The following BCAS3 variants were observed in gnomAD, a reference collection of about 807,000 sequenced individuals.
BCAS3 encodes the protein BCAS4/BCAS3 fusion.
Under a neutral mutation model 116.1 loss-of-function variants are expected in BCAS3, and 53 were observed. The ratio of observed to expected loss-of-function variants is 0.46; its 90% CI spans 0.37 to 0.57. BCAS3 has a LOEUF of 0.57. BCAS3 is among the 20% of genes least tolerant of loss of function. The pLI is 0.00. For missense variants in BCAS3, 917 were observed against 1,165.4 expected (o/e 0.79, Z 3.10); for synonymous variants, 391 against 408.2 (o/e 0.96, Z 0.51).
At chr17:60,750,248 T>C (rs1598441740) in intron 6 of BCAS3, among the ~76,000 whole-genome samples, 1 of 152,030 alleles carries the variant, frequency 6.6e-6, no homozygotes. Flanking sequence ...TCAATAGAAG[T>C]AGAAGAAAAC....
intron 22 of BCAS3, among the ~76,000 whole-genome samples, chr17:61,280,856 T>C (rs1278395764): frequency 1.3e-5 from 2 of 152,186 alleles, no homozygotes; most frequent in Non-Finnish European, 2.9e-5. Flanking sequence ...TCTGGGAATG[T>C]CTCGACCCTT....
Position 61,366,836 on chromosome 17 carries a change from C to T in BCAS3, c.2426-1491C>T, listed in dbSNP as rs2058761271. Among the ~76,000 whole-genome samples, 1 of 152,222 alleles carries T rather than the reference C, an allele frequency of 6.6e-6. No homozygotes were observed. The highest frequency in any genetic ancestry group is 2.4e-5 in the African/African-American group (1 of 41,448). Reference sequence around the variant, plus strand: ...AAAGCCAAACTTGGCTGACGAAATTCAGGAGCCAGTAGTGACCCTTGCCAC... The same window carrying T: ...AAAGCCAAACTTGGCTGACGAAATTTAGGAGCCAGTAGTGACCCTTGCCAC... On this transcript the variant is annotated intron_variant, in intron 22 of 23. Transcript: ENST00000407086. This position sits in a 1 kb window ranked among gnomAD's most constrained non-coding sequence, Gnocchi z 4.5.
intron 22 of BCAS3, among the ~76,000 whole-genome samples, chr17:61,117,752 G>A (rs922932938): frequency 3.9e-5 from 6 of 152,088 alleles, no homozygotes; most frequent in African/African-American, 9.7e-5. Context: ...AAGGTGGGGA[G>A]ATTTCCATAT....
intron 22 of BCAS3, among the ~76,000 whole-genome samples, chr17:61,094,600 T>A (rs1406089744): frequency 6.6e-6 from 1 of 152,170 alleles, no homozygotes; most frequent in Admixed American, 6.6e-5. Context: ...ATAATCCCAG[T>A]ACTTTGGGAG....
At chr17:60,719,215 C>T (rs2038975515) in intron 5 of BCAS3, among the ~76,000 whole-genome samples, 2 of 152,080 alleles carry the variant, frequency 1.3e-5, no homozygotes, top group Admixed American at 1.3e-4. Flanking sequence ...ATGTGTGAAC[C>T]ATAGACTGTT....
At chr17:61,293,906 G>A (rs1048461615) in intron 22 of BCAS3, among the ~76,000 whole-genome samples, 1 of 152,176 alleles carries the variant, frequency 6.6e-6, no homozygotes, top group African/African-American at 2.4e-5. Context: ...GACTACAGGT[G>A]TATGCCACTG....
chr17:61,384,959 T>G (rs1176861339), intron 23 of BCAS3, among the ~76,000 whole-genome samples: 1 of 151,986 alleles, frequency 6.6e-6, no homozygotes, highest in Non-Finnish European at 1.5e-5. Context: ...GGGAGGTGGG[T>G]GTATGCTCAG....
Position 61,347,510 on chromosome 17 carries a change from C to T in BCAS3, c.2426-20817C>T, listed in dbSNP as rs2057572155. Among the ~76,000 whole-genome samples the T allele has an allele frequency of 6.6e-6, 1 of 152,244 alleles. No homozygotes were observed. Among genetic ancestry groups the T allele is most frequent in the African/African-American group, 2.4e-5 (1 of 41,470 alleles). On this transcript the variant is annotated intron_variant, in intron 22 of 23. Coordinates refer to ENST00000407086, the MANE Select transcript of BCAS3 (RefSeq NM_017679.5). This position sits in a 1 kb window ranked among gnomAD's most constrained non-coding sequence, Gnocchi z 4.3. ...CCAGGAACTGAGGCACTGTGCTGTG[C>T]ACTGGGGACAGAGATCTAAAAAATG...
At position 61,198,991 on chromosome 17, in the gene BCAS3, T is replaced by A. The variant is rs1157501138; in HGVS notation, c.2425+114427T>A. ...AAGCTCCAAAACTTTTAATATATCT[T>A]ACCATACTCTGATTACTAGAAATAT... On this transcript the variant is annotated intron_variant, in intron 22 of 23. Transcript: ENST00000407086. The surrounding 1 kb of genome is among the most constrained non-coding windows in gnomAD (Gnocchi z 5.0). 2.0e-5 allele frequency among the ~76,000 whole-genome samples: 3 copies of A among 152,262 alleles called. No homozygotes were observed. The highest frequency in any genetic ancestry group is 2.0e-4 in the Admixed American group (3 of 15,286).
At position 60,985,895 on chromosome 17, in the gene BCAS3, C is replaced by T. The variant is rs182809434; in HGVS notation, c.1222-4076C>T. On this transcript the variant is annotated intron_variant, in intron 14 of 23. Transcript: ENST00000407086. ...GGAATTACAGGCGCACGCCAACACA[C>T]CAGGCTAATTTTTGTATTTTTAGTA... Among the ~76,000 whole-genome samples, 6 of 152,274 alleles carry T rather than the reference C, an allele frequency of 3.9e-5. No homozygotes were observed. The East Asian group carries it at 1.2e-3, about 29-fold the overall frequency.
Position 61,032,971 on chromosome 17 carries a change from C to T in BCAS3, c.1638-1695C>T, listed in dbSNP as rs1009859849. Reference sequence around the variant, plus strand: ...GGACCAATCATAGTTGCCTCTGATCCAGACTTAGCCATCCTTAGAGGAAGA... The same window carrying T: ...GGACCAATCATAGTTGCCTCTGATCTAGACTTAGCCATCCTTAGAGGAAGA... On this transcript the variant is annotated intron_variant, in intron 16 of 23. Coordinates refer to ENST00000407086, the MANE Select transcript of BCAS3 (RefSeq NM_017679.5). The surrounding 1 kb of genome is among the most constrained non-coding windows in gnomAD (Gnocchi z 4.6). 6.6e-6 allele frequency among the ~76,000 whole-genome samples: 1 copy of T among 152,094 alleles called. No individual in the cohort carries two copies. The highest frequency in any genetic ancestry group is 1.5e-5 in the Non-Finnish European group (1 of 67,986).
intron 22 of BCAS3, among the ~76,000 whole-genome samples, chr17:61,147,847 G>C (rs888928626): frequency 6.6e-6 from 1 of 152,008 alleles, no homozygotes; most frequent in Admixed American, 6.5e-5. Flanking sequence ...TTAGTCAGGC[G>C]TGGTGGTGCA....
chr17:61,196,013 T>C lies in BCAS3; in HGVS notation c.2425+111449T>C, dbSNP rs747485362. ...TGGACATTGATGTCAGAAGCATATG[T>C]AGGTAGTTTTAAAACTGAAAATATA... On this transcript the variant is annotated intron_variant, in intron 22 of 23. Coordinates refer to ENST00000407086, the MANE Select transcript of BCAS3 (RefSeq NM_017679.5). The surrounding 1 kb of genome is among the most constrained non-coding windows in gnomAD (Gnocchi z 4.7). 1.3e-5 allele frequency among the ~76,000 whole-genome samples: 2 copies of C among 152,216 alleles called. No homozygotes were observed. The highest frequency in any genetic ancestry group is 2.9e-5 in the Non-Finnish European group (2 of 68,038).
chr17:60,866,300 T>G (rs2054587699), intron 7 of BCAS3, among the ~76,000 whole-genome samples: 1 of 152,116 alleles, frequency 6.6e-6, no homozygotes, highest in African/African-American at 2.4e-5. Context: ...GGCTAATTTT[T>G]GTATTTTTAG....
intron 20 of BCAS3, among the ~76,000 whole-genome samples, chr17:61,076,814 A>G (rs1265473475): frequency 6.6e-6 from 1 of 152,164 alleles, no homozygotes; most frequent in Non-Finnish European, 1.5e-5. Flanking sequence ...GAATACAACT[A>G]CTTGAATCAG....
rs1181024363 is a variant in BCAS3 at position 61,285,030 on chromosome 17, A to G, written c.2426-83297A>G. Among the ~76,000 whole-genome samples, 1 of 152,136 alleles carries G rather than the reference A, an allele frequency of 6.6e-6. No homozygotes were observed. Among genetic ancestry groups the G allele is most frequent in the East Asian group, 1.9e-4 (1 of 5,190 alleles). Reference sequence around the variant, plus strand: ...AGGCTTCTGAAAGCTTTGCTGCCCTAAATTCCTGTCCTTGGTCTCTGTTGG... The same window carrying G: ...AGGCTTCTGAAAGCTTTGCTGCCCTGAATTCCTGTCCTTGGTCTCTGTTGG... On this transcript the variant is annotated intron_variant, in intron 22 of 23. Coordinates refer to ENST00000407086, the MANE Select transcript of BCAS3 (RefSeq NM_017679.5). This position sits in a 1 kb window ranked among gnomAD's most constrained non-coding sequence, Gnocchi z 5.4.
intron 23 of BCAS3, among the ~76,000 whole-genome samples, chr17:61,370,831 C>T (rs992420867): frequency 6.6e-6 from 1 of 152,254 alleles, no homozygotes; most frequent in African/African-American, 2.4e-5. Context: ...TTTGAAAGGG[C>T]ACCCTGGTAC....
chr17:61,339,672 A>G lies in BCAS3; in HGVS notation c.2426-28655A>G, dbSNP rs1391622966. 6.6e-6 allele frequency among the ~76,000 whole-genome samples: 1 copy of G among 152,020 alleles called. No individual in the cohort carries two copies. Among genetic ancestry groups the G allele is most frequent in the Non-Finnish European group, 1.5e-5 (1 of 67,994 alleles). On this transcript the variant is annotated intron_variant, in intron 22 of 23. Transcript: ENST00000407086. The surrounding 1 kb of genome is among the most constrained non-coding windows in gnomAD (Gnocchi z 4.4). ...TCCCAGCTACTCGGGAGGCTGAGGCAGGAGAATCGCTCGAACCTAGGAGGT... is the reference window on the plus strand; with the variant it reads ...TCCCAGCTACTCGGGAGGCTGAGGCGGGAGAATCGCTCGAACCTAGGAGGT...
intron 14 of BCAS3, chr17:60,980,733 A>AC (rs2062757950): frequency 6.6e-6 from 1 of 151,984 alleles, no homozygotes; most frequent in African/African-American, 2.4e-5. Flanking sequence ...ACAGGGTTTC[A>AC]CCATGTTGCC....
Sources: allele counts gnomAD v4.1 joint callset (sites outside exome capture counted in the v4.1 genomes callset), GRCh38; gene constraint gnomAD v4.1.1; non-coding constraint Gnocchi (gnomAD v3.1); transcripts MANE v1.5; gene names NCBI Gene and HGNC (gene_info 2026-07-23, HGNC 2026-07-21).